Variants in USP9Y observed in about 807,000 individuals in gnomAD.
The protein encoded by USP9Y is ubiquitin specific peptidase 9 Y-linked, also known as ubiquitin carboxyl-terminal hydrolase 9Y.
A neutral mutation model predicts 53.1 loss-of-function variants in USP9Y; 41 were observed. That is an observed-to-expected ratio of 0.77 (90% CI 0.60 to 1.00). The LOEUF is 1.00. Ranked by LOEUF, USP9Y falls within the 50% of genes least tolerant of loss-of-function variation. The probability of loss-of-function intolerance (pLI) is 0.00; values close to 1 mark genes in which losing one functional copy is unlikely to be tolerated. For missense variants in USP9Y, 567 were observed against 535.8 expected (o/e 1.06, Z -0.58); for synonymous variants, 220 against 173.7 (o/e 1.27, Z -2.09).
chrY:12,773,345 C>T, intron 16 of USP9Y, among the ~76,000 whole-genome samples: 1 of 33,419 alleles, frequency 3.0e-5, no homozygotes, highest in Admixed American at 2.7e-4. Flanking sequence ...TAGGGCACAT[C>T]ACCCAGCAAA....
rs760325957 is a variant in USP9Y at position 12,856,847 on chromosome Y, T to TA, written c.7434+14dup. ...GCTTGTGAACTCTGTCCAGAAGAGG[T>TA]AAAAAAAAAAAAGGCTACCAATGGA... On this transcript the variant is annotated splice_region_variant and intron_variant, in intron 44 of 45. Coordinates refer to ENST00000338981, the MANE Select transcript of USP9Y (RefSeq NM_004654.4). 1.1e-4 allele frequency: 34 copies of TA among 301,888 alleles called. No homozygotes were observed. The African/African-American group carries it at 1.2e-3, about 11-fold the overall frequency. The allele number at this position is 301,888 out of a possible 400,897, so 75.3% of individuals were successfully genotyped here.
At chrY:12,716,659 A>G (rs2053430911) in intron 3 of USP9Y, among the ~76,000 whole-genome samples, 1 of 33,516 alleles carries the variant, frequency 3.0e-5, no homozygotes. Context: ...GCTGGAGTGC[A>G]GTGGTGTCAT....
chrY:12,792,949 A>G, intron 26 of USP9Y, 83 bp from the exon 27 acceptor site: 7 of 322,545 alleles, frequency 2.2e-5, no homozygotes, highest in Non-Finnish European at 3.3e-5. Context: ...CCAAGTAGGC[A>G]ATTGTAAATG....
chrY:12,858,989 G>C (rs904003241), intron 45 of USP9Y, among the ~76,000 whole-genome samples: 1 of 33,858 alleles, frequency 3.0e-5, no homozygotes, highest in Admixed American at 2.7e-4. Flanking sequence ...TGGGATTACA[G>C]GTATGAGTCA....
chrY:12,737,546 A>G (rs909484421), intron 10 of USP9Y, among the ~76,000 whole-genome samples: 2 of 33,291 alleles, frequency 6.0e-5, no homozygotes, highest in East Asian at 7.9e-4. Flanking sequence ...CCATGCTCAT[A>G]CTCAGTGCTG....
At chrY:12,744,760 G>A (rs2053459653) in intron 12 of USP9Y, among the ~76,000 whole-genome samples, 1 of 33,583 alleles carries the variant, frequency 3.0e-5, no homozygotes, top group Non-Finnish European at 7.4e-5. Context: ...CAAGAAGTGG[G>A]GAAAGACAGC....
At chrY:12,722,260 A>T in intron 5 of USP9Y, 73 bp downstream of exon 5, 1 of 268,437 alleles carries the variant, frequency 3.7e-6, no homozygotes, top group African/African-American at 7.7e-5. Context: ...AAGGCTTTTC[A>T]TCCCTCTGTT....
chrY:12,752,619 A>G, intron 12 of USP9Y, among the ~76,000 whole-genome samples: 1 of 33,166 alleles, frequency 3.0e-5, no homozygotes, highest in Non-Finnish European at 7.4e-5. Flanking sequence ...ATAAAGCTCA[A>G]TAGAAGTGGC....
intron 15 of USP9Y, among the ~76,000 whole-genome samples, chrY:12,765,330 C>T (rs2053479354): frequency 3.1e-5 from 1 of 32,133 alleles, no homozygotes; most frequent in African/African-American, 1.2e-4. Context: ...AAATGGAATG[C>T]GAGGCAGGAA....
intron 27 of USP9Y, among the ~76,000 whole-genome samples, chrY:12,802,902 C>A: frequency 1.0e-4 from 3 of 30,125 alleles, no homozygotes; most frequent in African/African-American, 2.6e-4. Flanking sequence ...GCATGTGACA[C>A]CATGCCCAGC....
intron 24 of USP9Y, among the ~76,000 whole-genome samples, chrY:12,788,601 G>A: frequency 6.3e-5 from 2 of 31,829 alleles, no homozygotes; most frequent in Admixed American, 2.9e-4. Context: ...CTTTAATCAC[G>A]AAGACAGCTA....
intron 27 of USP9Y, among the ~76,000 whole-genome samples, chrY:12,804,309 C>T: frequency 3.0e-5 from 1 of 33,851 alleles, no homozygotes; most frequent in Non-Finnish European, 7.3e-5. Context: ...CACAGAATTA[C>T]ACCTTGATGC....
intron 27 of USP9Y, among the ~76,000 whole-genome samples, chrY:12,807,245 C>G (rs773315633): frequency 3.8e-5 from 1 of 25,997 alleles, no homozygotes; most frequent in South Asian, 9.5e-4. Context: ...TTTTTTATCT[C>G]TAGATATTCC....
intron 12 of USP9Y, among the ~76,000 whole-genome samples, chrY:12,753,217 G>A (rs940277898): frequency 6.0e-5 from 2 of 33,496 alleles, no homozygotes; most frequent in Admixed American, 2.7e-4. Flanking sequence ...CCAAACTTTC[G>A]CCTCCTGTCA....
At chrY:12,773,503 G>A in intron 16 of USP9Y, 80 bp from the exon 17 acceptor site, 1 of 223,745 alleles carries the variant, frequency 4.5e-6, no homozygotes, top group Non-Finnish European at 7.9e-6. Flanking sequence ...TTGTGGTGAA[G>A]TATTATGTTG....
At chrY:12,848,499 T>C (rs1001590232) in intron 42 of USP9Y, among the ~76,000 whole-genome samples, 25 of 33,745 alleles carry the variant, frequency 7.4e-4, no homozygotes, top group African/African-American at 2.9e-3. Flanking sequence ...TTTGTTGCCA[T>C]TGCTTTTGAT....
chrY:12,775,947 A>G, intron 18 of USP9Y, among the ~76,000 whole-genome samples: 1 of 30,951 alleles, frequency 3.2e-5, no homozygotes, highest in Admixed American at 3.0e-4. Context: ...GGCTCAAGCT[A>G]TCTCCCTGCC....
At chrY:12,744,733 CA>C (rs2053459618) in intron 12 of USP9Y, among the ~76,000 whole-genome samples, 1 of 33,496 alleles carries the variant, frequency 3.0e-5, no homozygotes, top group African/African-American at 1.2e-4. Context: ...TACTAGTGGA[CA>C]TATGTTAAAA....
Position 12,773,716 on chromosome Y carries a change from G to A in USP9Y, c.2122G>A (p.Asp708Asn). Residue 708 changes from aspartate to asparagine, a missense_variant, in exon 17 of 46, where the codon GAT (aspartate) becomes AAT (asparagine). Transcript: ENST00000338981. ...TAAGTGGTATTCCAAGTTAATGGGG[G>A]ATGAACCAGACTTGGATCCTGATAT... ...CFKWYSKLMG[D>N]EPDLDPDINK... is the part of the protein sequence containing the mutation. 2.5e-6 allele frequency: 1 copy of A among 398,558 alleles called. No individual in the cohort carries two copies. Among genetic ancestry groups the A allele is most frequent in the Non-Finnish European group, 3.5e-6 (1 of 283,393 alleles).
Sources: allele counts gnomAD v4.1 joint callset (sites outside exome capture counted in the v4.1 genomes callset), GRCh38; gene constraint gnomAD v4.1.1; transcripts MANE v1.5; gene names NCBI Gene and HGNC (gene_info 2026-07-23, HGNC 2026-07-21).